NDP: variants seen among roughly 807,000 people sequenced by gnomAD.
NDP encodes the protein norrin.
NDP carries 2 observed loss-of-function variants against 8.4 expected under a neutral mutation model. The ratio of observed to expected loss-of-function variants is 0.24; its 90% CI spans 0.10 to 0.75. The LOEUF is 0.75. Ranked by LOEUF, NDP falls within the 30% of genes least tolerant of loss-of-function variation. The pLI is 0.73. For missense variants in NDP, 81 were observed against 110.1 expected, an observed-to-expected ratio of 0.74 and a Z score of 1.18; for synonymous variants, 55 against 45.6, an observed-to-expected ratio of 1.21 and a Z score of -0.83.
intron 1 of NDP, among the ~76,000 whole-genome samples, chrX:43,969,217 G>A (rs1282940823): frequency 8.9e-6 from 1 of 111,883 alleles, no homozygotes; most frequent in Non-Finnish European, 1.9e-5. Flanking sequence ...TTTTTAGTTC[G>A]GATCAACCCA....
At chrX:43,959,178 T>C (rs2035812478) in intron 1 of NDP, among the ~76,000 whole-genome samples, 2 of 111,723 alleles carry the variant, frequency 1.8e-5, no homozygotes, top group Admixed American at 1.9e-4. Context: ...GTAACCGAAT[T>C]GGGTGGTCTC....
At chrX:43,966,605 G>A (rs2035859150) in intron 1 of NDP, 1 of 111,428 alleles carries the variant, frequency 9.0e-6, no homozygotes, top group African/African-American at 3.3e-5. Context: ...CATTCTCCCT[G>A]TGGAAAAGAA....
At chrX:43,967,436 G>A (rs1242774143) in intron 1 of NDP, among the ~76,000 whole-genome samples, 2 of 89,853 alleles carry the variant, frequency 2.2e-5, no homozygotes, top group Non-Finnish European at 2.2e-5. Flanking sequence ...AGGTACAAAT[G>A]TGTGTACCTC....
In NDP at chrX:43,958,773, G is replaced by T; in HGVS notation, c.-128C>A. 1 of 578,281 alleles carries T rather than the reference G, an allele frequency of 1.7e-6. No homozygotes were observed. Among genetic ancestry groups the T allele is most frequent in the Non-Finnish European group, 2.9e-6 (1 of 344,104 alleles). 47.7% of individuals were successfully genotyped at this position (578,281 alleles called of 1,213,427 possible). On this transcript the variant is annotated 5_prime_UTR_variant, in exon 2 of 3. Transcript: ENST00000642620. ...GGCAGGATCGGGCTGAAGCTTTCTGGTTGTCATTGTCCTTTATGTGCTGGA... is the reference window on the plus strand; with the variant it reads ...GGCAGGATCGGGCTGAAGCTTTCTGTTTGTCATTGTCCTTTATGTGCTGGA...
In NDP at chrX:43,949,575, CA is replaced by C. The variant is rs2035748268; in HGVS notation, c.*223del. 7 of 427,349 alleles carry C rather than the reference CA, an allele frequency of 1.6e-5. No individual in the cohort carries two copies. The South Asian group carries it at 2.5e-4, about 15-fold the overall frequency. 35.2% of individuals were successfully genotyped at this position (427,349 alleles called of 1,213,427 possible). On this transcript the variant is annotated 3_prime_UTR_variant, in exon 3 of 3. Transcript: ENST00000642620. The stretch of plus-strand genomic sequence containing the variant: ...AAAATGCCTGAATCTGAAAATGAAC[CA>C]AAAGAAATTGTACCAGAGAAAGGAG...
intron 1 of NDP, among the ~76,000 whole-genome samples, chrX:43,970,401 G>T (rs1287972086): frequency 8.9e-6 from 1 of 112,341 alleles, no homozygotes; most frequent in Non-Finnish European, 1.9e-5. Flanking sequence ...AAGAAGCTGA[G>T]GGCTGGCTAG....
At chrX:43,951,478 A>G (rs148271816) in intron 2 of NDP, among the ~76,000 whole-genome samples, 2,175 of 111,821 alleles carry the variant, frequency 0.019, 57 homozygotes, top group African/African-American at 0.067. Context: ...CAAGATCATA[A>G]AAAGTGAAAC....
chrX:43,958,555 T>C lies in NDP; in HGVS notation c.91A>G (p.Ile31Val). 1 of 1,211,258 alleles carries C rather than the reference T, an allele frequency of 8.3e-7. No homozygotes were observed. Among genetic ancestry groups the C allele is most frequent in the Non-Finnish European group, 1.1e-6 (1 of 894,673 alleles). ...DTDSKTDSSF[I>V]MDSDPRRCMR... is the part of the protein sequence containing the mutation. ...CAGCGTCGAGGGTCCGAGTCCATTA[T>C]GAATGAGCTGTCCGTTTTACTGTCT... The change falls in exon 2 of 3, where the codon ATA becomes GTA. Residue 31 changes from isoleucine (I) to valine (V), a missense_variant. Ile to Val is a conservative substitution (Grantham distance 29). Coordinates refer to ENST00000642620, the MANE Select transcript of NDP (RefSeq NM_000266.4).
intron 2 of NDP, among the ~76,000 whole-genome samples, chrX:43,950,373 T>C (rs2035754090): frequency 9.5e-6 from 1 of 105,532 alleles, no homozygotes; most frequent in African/African-American, 3.5e-5. Context: ...GGTCTACCAC[T>C]GGCCCAATGC....
At chrX:43,964,866 G>C (rs2035848265) in intron 1 of NDP, among the ~76,000 whole-genome samples, 1 of 111,761 alleles carries the variant, frequency 8.9e-6, no homozygotes, top group Admixed American at 9.5e-5. Context: ...AAGCTTCTCA[G>C]AGTACAGCCC....
intron 1 of NDP, among the ~76,000 whole-genome samples, chrX:43,961,110 G>A (rs978715082): frequency 3.6e-5 from 4 of 112,476 alleles, no homozygotes; most frequent in Non-Finnish European, 7.5e-5. Context: ...GAAAATTAAA[G>A]TACTTTGAAA....
intron 1 of NDP, among the ~76,000 whole-genome samples, chrX:43,959,442 T>A (rs1447627111): frequency 8.9e-6 from 1 of 112,170 alleles, no homozygotes; most frequent in Non-Finnish European, 1.9e-5. Flanking sequence ...ACAAACTGCA[T>A]CTGAAATACA....
At position 43,971,692 on chromosome X, in the gene NDP, T is replaced by A. The variant is rs772990732; in HGVS notation, c.-208+1612A>T. 2.5e-4 allele frequency among the ~76,000 whole-genome samples: 28 copies of A among 111,491 alleles called. No individual in the cohort carries two copies. The South Asian group carries it at 3.0e-3, about 12-fold the overall frequency. ...AATGCTTTGCTAACCGCAGTTTTTT[T>A]AAAAAAAAATTACAATAAAATTTTA... On this transcript the variant is annotated intron_variant, in intron 1 of 2. Transcript: ENST00000642620.
intron 2 of NDP, among the ~76,000 whole-genome samples, chrX:43,956,663 T>A (rs1264208449): frequency 8.9e-6 from 1 of 112,159 alleles, no homozygotes; most frequent in Non-Finnish European, 1.9e-5. Context: ...GAAGAAAGGT[T>A]TATAATTGCA....
chrX:43,958,889 T>A, intron 1 of NDP, 37 bp from the exon 2 acceptor site: 1 of 391,302 alleles, frequency 2.6e-6, no homozygotes, highest in African/African-American at 2.5e-5. Context: ...CCCAGAATTA[T>A]TTACCCAGAA....
At chrX:43,951,636 A>G (rs1260037224) in intron 2 of NDP, among the ~76,000 whole-genome samples, 1 of 111,890 alleles carries the variant, frequency 8.9e-6, no homozygotes, top group Admixed American at 9.5e-5. Context: ...TAAACACCCA[A>G]GGTTTACAAG....
chrX:43,963,749 A>G (rs2035840494), intron 1 of NDP, among the ~76,000 whole-genome samples: 1 of 112,585 alleles, frequency 8.9e-6, no homozygotes, highest in African/African-American at 3.2e-5. Flanking sequence ...AGTCAACTAG[A>G]TGCCTTGGAG....
chrX:43,951,184 A>G (rs1185653231), intron 2 of NDP, among the ~76,000 whole-genome samples: 2 of 110,954 alleles, frequency 1.8e-5, no homozygotes, highest in Non-Finnish European at 3.8e-5. Flanking sequence ...AGTCTGAGGC[A>G]GGAGGATCAC....
At chrX:43,954,272 G>A (rs970768637) in intron 2 of NDP, among the ~76,000 whole-genome samples, 2 of 110,876 alleles carry the variant, frequency 1.8e-5, no homozygotes, top group Non-Finnish European at 3.8e-5. Context: ...TCTGTGCTAG[G>A]CTGAGGGCAC....
Sources: gnomAD v4.1 joint callset for allele counts (sites outside exome capture counted in the v4.1 genomes callset) on GRCh38, gnomAD v4.1.1 for gene constraint, MANE v1.5 for transcripts, NCBI Gene and HGNC (gene_info 2026-07-23, HGNC 2026-07-21) for gene names.